The following PROSER3 variants were observed in gnomAD, a reference collection of about 807,000 sequenced individuals.
The protein encoded by PROSER3 is proline and serine rich 3.
A neutral mutation model predicts 50.2 loss-of-function variants in PROSER3; 33 were observed. The observed-to-expected ratio is 0.66, with a 90% CI of 0.50 to 0.88. PROSER3 has a LOEUF of 0.88. PROSER3 is among the 40% of genes least tolerant of loss of function. The pLI is 0.00. For synonymous variants in PROSER3, 266 were observed against 259.3 expected, an observed-to-expected ratio of 1.03 and a Z score of -0.25; for missense variants, 623 against 612.7, an observed-to-expected ratio of 1.02 and a Z score of -0.18.
chr19:35,765,534 T>TGC (rs1328910919), intron 7 of PROSER3, among the ~76,000 whole-genome samples: 2 of 151,808 alleles, frequency 1.3e-5, no homozygotes, highest in African/African-American at 4.8e-5. Context: ...GAGCCGAGAT[T>TGC]GCGCCATTGC....
chr19:35,767,844 G>A lies in PROSER3; in HGVS notation c.998G>A (p.Gly333Glu), dbSNP rs561495817. 16 of 1,613,106 alleles carry A rather than the reference G, an allele frequency of 9.9e-6. No individual in the cohort carries two copies. The South Asian group carries it at 1.3e-4, about 13-fold the overall frequency. Residue 333 changes from glycine (G) to glutamate (E), a missense_variant, in exon 9 of 11, where the codon GGG (glycine) becomes GAG (glutamate). Gly to Glu is a moderately conservative substitution (Grantham distance 98). Coordinates refer to ENST00000396908, the Ensembl canonical transcript of PROSER3. ...GCCAAGGCCTTGCCGCCCGCAGCGGGGTCAGTGATACGGAAGAGCGAAGCC... is the reference window on the plus strand; with the variant it reads ...GCCAAGGCCTTGCCGCCCGCAGCGGAGTCAGTGATACGGAAGAGCGAAGCC...
In PROSER3 at chr19:35,763,358, C is replaced by T. The variant is rs533791925; in HGVS notation, c.543+1002C>T. The stretch of plus-strand genomic sequence containing the variant: ...CTGGGACTACAGGTGCATGCCACCA[C>T]ACCCAGCTAATTTTTTTGTATTTTT... On this transcript the variant is annotated intron_variant, in intron 5 of 10. Transcript: ENST00000396908. Among the ~76,000 whole-genome samples the T allele has an allele frequency of 6.6e-5, 10 of 151,886 alleles. No individual in the cohort carries two copies. The East Asian group carries it at 1.6e-3, about 24-fold the overall frequency.
chr19:35,767,133 T>A, intron 8 of PROSER3: 2 of 779,590 alleles, frequency 2.6e-6, no homozygotes, highest in Non-Finnish European at 1.9e-6. Context: ...CATGTCCCAC[T>A]GTGGAGCAGT....
At chr19:35,766,809 C>G in exon 8 of PROSER3, 1 of 1,551,356 alleles carries the variant, frequency 6.4e-7, no homozygotes, top group Non-Finnish European at 8.7e-7. Context: ...CACCCCTGCT[C>G]CAGCCCCAGC....
intron 1 of PROSER3, chr19:35,758,462 C>T: frequency 2.3e-6 from 1 of 436,338 alleles, no homozygotes; most frequent in East Asian, 3.6e-5. Context: ...GAATTATTGC[C>T]TCTAAAGGTG....
chr19:35,759,892 C>A (rs760831168), exon 3 of PROSER3: 5 of 1,596,534 alleles, frequency 3.1e-6, no homozygotes, highest in Non-Finnish European at 3.4e-6. Flanking sequence ...TCCTGGCCAT[C>A]CAGTTCAGGG....
chr19:35,760,313 G>T (rs961980928), intron 3 of PROSER3, among the ~76,000 whole-genome samples: 1 of 152,008 alleles, frequency 6.6e-6, no homozygotes, highest in African/African-American at 2.4e-5. Flanking sequence ...AAACTCCTGG[G>T]CTCAAGCCGT....
At chr19:35,765,914 G>A (rs1971126190) in intron 7 of PROSER3, among the ~76,000 whole-genome samples, 1 of 152,152 alleles carries the variant, frequency 6.6e-6, no homozygotes, top group Non-Finnish European at 1.5e-5. Flanking sequence ...AATGCACCGT[G>A]CGATACATGA....
Position 35,764,954 on chromosome 19 carries a change from C to G in PROSER3, c.626+18C>G. ...AAACGCAGGTGCCCGCACCCCTGCC[C>G]CCATCACCCTTCCTACTGCGGCTCC... On this transcript the variant is annotated intron_variant, in intron 6 of 10. Coordinates refer to ENST00000396908, the Ensembl canonical transcript of PROSER3. The G allele has an allele frequency of 6.2e-7, 1 of 1,613,440 alleles. No individual in the cohort carries two copies. The highest frequency in any genetic ancestry group is 8.5e-7 in the Non-Finnish European group (1 of 1,179,810).
At chr19:35,760,550 A>G (rs1405623804) in intron 3 of PROSER3, among the ~76,000 whole-genome samples, 1 of 152,114 alleles carries the variant, frequency 6.6e-6, no homozygotes, top group African/African-American at 2.4e-5. Flanking sequence ...CAGTGGCATG[A>G]TCTCGGCTTA....
intron 3 of PROSER3, 89 bp from the exon 4 acceptor site, chr19:35,761,930 G>C: frequency 7.2e-7 from 1 of 1,398,118 alleles, no homozygotes. Flanking sequence ...CTCTGCCATG[G>C]TGCTTGGTAA....
At position 35,764,896 on chromosome 19, in the gene PROSER3, CTG is replaced by C; in HGVS notation, c.587_588del (p.Leu196GlnfsTer38). 6.2e-7 allele frequency: 1 copy of C among 1,613,808 alleles called. No homozygotes were observed. The highest frequency in any genetic ancestry group is 8.5e-7 in the Non-Finnish European group (1 of 1,179,854). The stretch of plus-strand genomic sequence containing the variant: ...CTCATCCCTGCTGGACCTGGAGACG[CTG>C]AGCCTACAGAGCAGAGCTGCCAGGC... On this transcript the variant is annotated frameshift_variant, in exon 6 of 11. Coordinates refer to ENST00000396908, the Ensembl canonical transcript of PROSER3. LOFTEE classifies it high-confidence loss of function.
intron 3 of PROSER3, among the ~76,000 whole-genome samples, chr19:35,761,079 C>G (rs1257575454): frequency 2.6e-5 from 4 of 152,230 alleles, no homozygotes; most frequent in African/African-American, 9.6e-5. Flanking sequence ...GAACTCTAGG[C>G]CGTTGCCCTT....
intron 5 of PROSER3, 137 bp from the exon 6 acceptor site, chr19:35,764,717 G>C: frequency 1.5e-6 from 1 of 685,938 alleles, no homozygotes; most frequent in South Asian, 2.0e-5. Flanking sequence ...TCTCCTCCCT[G>C]AGGAGGAGGA....
At position 35,765,407 on chromosome 19, in the gene PROSER3, A is replaced by G. The variant is rs186760248; in HGVS notation, c.769+231A>G. Among the ~76,000 whole-genome samples the G allele has an allele frequency of 3.3e-5, 5 of 152,298 alleles. No individual in the cohort carries two copies. The East Asian group carries it at 9.7e-4, about 29-fold the overall frequency. ...GCGAAACCCGGTATCTACTAAAAAT[A>G]CAAAAATTAGCCACGCGTGGTACAT... On this transcript the variant is annotated intron_variant, in intron 7 of 10. Coordinates refer to ENST00000396908, the Ensembl canonical transcript of PROSER3.
At chr19:35,768,424 C>G (rs1377029999) in exon 11 of PROSER3, 1 of 1,597,258 alleles carries the variant, frequency 6.3e-7, no homozygotes, top group Admixed American at 1.7e-5. Flanking sequence ...GCCCGATTAT[C>G]GTTCCTGTTG....
chr19:35,768,409 C>T (rs776572656), exon 11 of PROSER3: 53 of 1,595,616 alleles, frequency 3.3e-5, no homozygotes, highest in South Asian at 7.7e-5. Context: ...TCCAGGGAAG[C>T]GGATGCCCGA....
At chr19:35,766,893 G>C in exon 8 of PROSER3, 1 of 1,552,980 alleles carries the variant, frequency 6.4e-7, no homozygotes, top group Non-Finnish European at 8.7e-7. Context: ...GCTTGAACAG[G>C]CTCAGGGAAG....
Position 35,760,008 on chromosome 19 carries a change from C to T in PROSER3, c.311+17C>T, listed in dbSNP as rs1970904816. ...GGTGGCCAAGTAAGTACCAGCAGCC[C>T]TGGGGGAAAAAGAGGCTTTGGGTTA... On this transcript the variant is annotated intron_variant, in intron 3 of 10. Transcript: ENST00000396908. The T allele has an allele frequency of 6.5e-7, 1 of 1,546,392 alleles. No individual in the cohort carries two copies.
Sources: gnomAD v4.1 joint callset for allele counts (sites outside exome capture counted in the v4.1 genomes callset) on GRCh38, gnomAD v4.1.1 for gene constraint, MANE v1.5 for transcripts, NCBI Gene and HGNC (gene_info 2026-07-23, HGNC 2026-07-21) for gene names.